Variants in CCDC7 observed in about 807,000 individuals in gnomAD.
The protein encoded by CCDC7 is coiled-coil domain-containing protein 7.
CCDC7 carries 183 observed loss-of-function variants against 196.9 expected under a neutral mutation model. The ratio of observed to expected loss-of-function variants is 0.93; its 90% CI spans 0.82 to 1.05. CCDC7 has a LOEUF of 1.05. CCDC7 is among the 50% of genes least tolerant of loss of function. CCDC7 has a pLI of 0.00. For synonymous variants in CCDC7, 525 were observed against 484.6 expected (o/e 1.08, Z -1.10); for missense variants, 1,540 against 1,482.2 (o/e 1.04, Z -0.64).
chr10:32,747,876 G>T (rs772552373), intron 28 of CCDC7, among the ~76,000 whole-genome samples: 10 of 152,116 alleles, frequency 6.6e-5, no homozygotes, highest in Non-Finnish European at 1.3e-4. Flanking sequence ...ATAGCCAAAG[G>T]AATATAAATC....
chr10:32,518,499 C>A (rs1317986253), exon 11 of CCDC7: 2 of 1,603,504 alleles, frequency 1.2e-6, no homozygotes, highest in Middle Eastern at 3.3e-4. Flanking sequence ...AGTTGAAGGA[C>A]AAAGAGGTTG....
chr10:32,741,814 T>A (rs1479388229), intron 28 of CCDC7, among the ~76,000 whole-genome samples: 1 of 152,202 alleles, frequency 6.6e-6, no homozygotes, highest in Non-Finnish European at 1.5e-5. Context: ...TTACTCTGTG[T>A]GATTTTGTCA....
chr10:32,499,622 T>C (rs932691718), intron 9 of CCDC7, among the ~76,000 whole-genome samples: 1 of 151,890 alleles, frequency 6.6e-6, no homozygotes, highest in Non-Finnish European at 1.5e-5. Flanking sequence ...TTTTAGTGTT[T>C]ATTGATCATT....
At chr10:32,609,224 A>G (rs968704394) in intron 18 of CCDC7, among the ~76,000 whole-genome samples, 8 of 152,218 alleles carry the variant, frequency 5.3e-5, no homozygotes, top group Admixed American at 3.9e-4. Context: ...TCCTGCTATT[A>G]TGGCATTAGA....
Position 32,846,817 on chromosome 10 carries a change from G to T in CCDC7, c.3688+358G>T, listed in dbSNP as rs568189996. ...AGCACAAAGGCTAGCTGAAGACTGC[G>T]ATGACAAGAGGAGTATAACACATAA... On this transcript the variant is annotated intron_variant, in intron 37 of 41. Coordinates refer to ENST00000639629, the Ensembl canonical transcript of CCDC7. 6.9e-4 allele frequency among the ~76,000 whole-genome samples: 105 copies of T among 152,300 alleles called. 1 individual carries two copies. In the Middle Eastern group the frequency reaches 0.014, roughly 20 times the overall value.
In CCDC7 at chr10:32,876,370, T is replaced by C. The variant is rs757360712; in HGVS notation, c.4135T>C (p.Ser1379Pro). 4 of 1,611,204 alleles carry C rather than the reference T, an allele frequency of 2.5e-6. No homozygotes were observed. In the Admixed American group the frequency reaches 6.7e-5, roughly 27 times the overall value. Residue 1379 changes from serine (S) to proline (P), a missense_variant, in exon 42 of 42, where the codon TCT (serine) becomes CCT (proline). Transcript: ENST00000639629. ...AGTGTTACATGCTGCTGCCCGAAAATCTGTACCACACCCATACTTTTGAGA... is the reference window on the plus strand; with the variant it reads ...AGTGTTACATGCTGCTGCCCGAAAACCTGTACCACACCCATACTTTTGAGA...
chr10:32,829,519 T>A (rs74690196), intron 32 of CCDC7, among the ~76,000 whole-genome samples: 13,760 of 152,292 alleles, frequency 0.09, 882 homozygotes, highest in East Asian at 0.33. Flanking sequence ...ATTGACTTCA[T>A]ATCAGCATTT....
At chr10:32,743,068 A>G (rs1190250373) in intron 28 of CCDC7, among the ~76,000 whole-genome samples, 1 of 152,196 alleles carries the variant, frequency 6.6e-6, no homozygotes, top group Non-Finnish European at 1.5e-5. Flanking sequence ...CTACTGAAGA[A>G]TGTTATGGGT....
intron 9 of CCDC7, among the ~76,000 whole-genome samples, chr10:32,499,598 AT>A (rs1357368893): frequency 2.1e-5 from 3 of 141,414 alleles, no homozygotes; most frequent in Non-Finnish European, 4.6e-5. Flanking sequence ...TTTCTTTTTT[AT>A]TTTTTTATTT....
intron 20 of CCDC7, among the ~76,000 whole-genome samples, chr10:32,655,903 T>G (rs1470910671): frequency 6.6e-6 from 1 of 152,148 alleles, no homozygotes; most frequent in Non-Finnish European, 1.5e-5. Context: ...TTAAATTGGG[T>G]TGCTTCTTAA....
intron 5 of CCDC7, among the ~76,000 whole-genome samples, chr10:32,465,853 G>T (rs2133784060): frequency 6.6e-6 from 1 of 152,272 alleles, no homozygotes; most frequent in African/African-American, 2.4e-5. Flanking sequence ...ATCTCTTCTA[G>T]TGTTCCCTAT....
chr10:32,675,554 A>G (rs2074801901), intron 21 of CCDC7: 1 of 152,294 alleles, frequency 6.6e-6, no homozygotes, highest in Non-Finnish European at 1.5e-5. Flanking sequence ...ATGTACCACT[A>G]TTACAGTATT....
chr10:32,677,830 C>G (rs1224825885), intron 21 of CCDC7, among the ~76,000 whole-genome samples: 2 of 152,064 alleles, frequency 1.3e-5, no homozygotes, highest in Non-Finnish European at 2.9e-5. Flanking sequence ...CTTGGACTTC[C>G]ATATGCATAT....
In CCDC7 at chr10:32,876,385, T is replaced by C. The variant is rs149249470; in HGVS notation, c.4150T>C (p.Tyr1384His). 56 of 1,610,532 alleles carry C rather than the reference T, an allele frequency of 3.5e-5. No individual in the cohort carries two copies. The Middle Eastern group carries it at 6.6e-4, about 19-fold the overall frequency. The stretch of plus-strand genomic sequence containing the variant: ...TGCCCGAAAATCTGTACCACACCCA[T>C]ACTTTTGAGAATGAAGGAAATTCTG... Residue 1384 changes from tyrosine (Y) to histidine (H), a missense_variant, in exon 42 of 42, where the codon TAC (tyrosine) becomes CAC (histidine). By Grantham distance (83) the Tyr-to-His change is moderately conservative (BLOSUM62 2). Transcript: ENST00000639629.
At chr10:32,510,181 C>A (rs12781874) in intron 9 of CCDC7, among the ~76,000 whole-genome samples, 52,301 of 152,006 alleles carry the variant, frequency 0.34, 11,447 homozygotes, top group Non-Finnish European at 0.5. Flanking sequence ...ATATTATTCA[C>A]CCTTAAGAAA....
At chr10:32,607,516 G>T in intron 18 of CCDC7, among the ~76,000 whole-genome samples, 1 of 152,222 alleles carries the variant, frequency 6.6e-6, no homozygotes, top group Middle Eastern at 3.4e-3. Flanking sequence ...TATACACAAT[G>T]TATTGAGAGT....
intron 41 of CCDC7, among the ~76,000 whole-genome samples, chr10:32,867,481 T>C (rs1202777038): frequency 6.6e-6 from 1 of 151,174 alleles, no homozygotes; most frequent in African/African-American, 2.4e-5. Context: ...GAATAAATTC[T>C]AGAAGGGATT....
rs878898157 is a variant in CCDC7, at chr10:32,559,171, G to A, written c.1135-6387G>A. 2.0e-5 allele frequency among the ~76,000 whole-genome samples: 3 copies of A among 152,124 alleles called. No individual in the cohort carries two copies. In the South Asian group the frequency reaches 6.2e-4, roughly 32 times the overall value. Reference sequence around the variant, plus strand: ...GGTAAACAAAGCAGCCAGGAAGCTCGAACTGGGTGGAGCCCACCACAGCTC... The same window carrying A: ...GGTAAACAAAGCAGCCAGGAAGCTCAAACTGGGTGGAGCCCACCACAGCTC... On this transcript the variant is annotated intron_variant, in intron 13 of 41. Transcript: ENST00000639629.
At chr10:32,627,471 T>G (rs1461748237) in intron 18 of CCDC7, among the ~76,000 whole-genome samples, 1 of 151,958 alleles carries the variant, frequency 6.6e-6, no homozygotes, top group Non-Finnish European at 1.5e-5. Context: ...ATAATTTTAT[T>G]TCTTTCTGGT....
Sources: allele counts gnomAD v4.1 joint callset (sites outside exome capture counted in the v4.1 genomes callset), GRCh38; gene constraint gnomAD v4.1.1; transcripts MANE v1.5; gene names NCBI Gene and HGNC (gene_info 2026-07-23, HGNC 2026-07-21).